The following VPS13C variants were observed in gnomAD, a reference collection of about 807,000 sequenced individuals.
The protein encoded by VPS13C is vacuolar protein sorting 13 homolog C.
In VPS13C, 358 loss-of-function variants were observed where a neutral mutation model predicts 456.8. That is an observed-to-expected ratio of 0.78 (90% CI 0.72 to 0.86). VPS13C has a LOEUF of 0.86. Among genes scored for constraint, VPS13C ranks in the 40% least tolerant of loss-of-function variants. The probability of loss-of-function intolerance (pLI) is 0.00; values close to 1 mark genes in which losing one functional copy is unlikely to be tolerated. For synonymous variants in VPS13C, 1,578 were observed against 1,486.7 expected (o/e 1.06, Z -1.41); for missense variants, 4,818 against 4,385.4 (o/e 1.10, Z -2.79).
At chr15:61,972,808 GA>G in intron 26 of VPS13C, 44 bp from the exon 27 acceptor site, 1 of 1,533,840 alleles carries the variant, frequency 6.5e-7, no homozygotes, top group Non-Finnish European at 8.8e-7. Flanking sequence ...AATGTACATT[GA>G]AAACTGCATG....
intron 49 of VPS13C, 99 bp from the exon 50 acceptor site, chr15:61,931,358 T>C: frequency 1.6e-6 from 2 of 1,233,536 alleles, no homozygotes; most frequent in African/African-American, 1.5e-5. Flanking sequence ...GGCAAACTGA[T>C]CTCATGAATT....
chr15:61,935,204 A>C (rs571741235), intron 48 of VPS13C, among the ~76,000 whole-genome samples: 88 of 152,186 alleles, frequency 5.8e-4, no homozygotes, highest in Non-Finnish European at 1.0e-3. Context: ...TTCAGGAAGT[A>C]AGTCAGTCTT....
In VPS13C at chr15:61,863,494, C is replaced by T. The variant is rs754159820; in HGVS notation, c.10898G>A (p.Arg3633Gln). ...HIKKLEGETY[R>Q]YHCAIPGSKK... ...GCTTCCAGGAATAGCACAGTGGTAT[C>T]GGTAAGTCTCTCCTTCCAACTTTTT... Residue 3633 changes from arginine (R) to glutamine (Q), a missense_variant, in exon 82 of 85, where the codon CGA becomes CAA. Physicochemically the swap from Arg to Gln is conservative, Grantham distance 43. Coordinates refer to ENST00000644861, the MANE Select transcript of VPS13C (RefSeq NM_020821.3). 1.7e-5 allele frequency: 28 copies of T among 1,612,618 alleles called. No homozygotes were observed. The highest frequency in any genetic ancestry group is 2.0e-5 in the Non-Finnish European group (24 of 1,179,160).
At position 61,909,026 on chromosome 15, in the gene VPS13C, G is replaced by A; in HGVS notation, c.8944C>T (p.His2982Tyr). The change falls in exon 65 of 85, where the codon CAT becomes TAT. Residue 2982 changes from histidine (H) to tyrosine (Y), a missense_variant. By Grantham distance (83) the His-to-Tyr change is moderately conservative. Transcript: ENST00000644861. ...TATGTGAGGATGTCCCATGGTGTAT[G>A]GTTCATTATCAAGGCAGGTGCAGAT... ...EGSAPALIMN[H>Y]TPWDILTYKQ... is the part of the protein sequence containing the mutation. 1 of 1,613,764 alleles carries A rather than the reference G, an allele frequency of 6.2e-7. No individual in the cohort carries two copies. The highest frequency in any genetic ancestry group is 1.1e-5 in the South Asian group (1 of 91,058).
intron 13 of VPS13C, among the ~76,000 whole-genome samples, chr15:62,009,362 T>TA (rs574768476): frequency 0.025 from 3,552 of 142,286 alleles, 66 homozygotes; most frequent in African/African-American, 0.041. Flanking sequence ...CAGAGAAGAT[T>TA]AAAAAAAAAA....
intron 73 of VPS13C, 34 bp from the exon 74 acceptor site, chr15:61,878,780 TA>T: frequency 6.4e-7 from 1 of 1,571,022 alleles, no homozygotes; most frequent in Non-Finnish European, 8.6e-7. Context: ...AAATGAAAGC[TA>T]AAAGTGAAAA....
rs138509361 is a variant in VPS13C at position 61,945,442 on chromosome 15, T to C, written c.5148+273A>G. 1.5e-3 allele frequency among the ~76,000 whole-genome samples: 223 copies of C among 152,288 alleles called. 1 individual carries two copies. Among genetic ancestry groups the C allele is most frequent in the African/African-American group, 4.9e-3 (204 of 41,560 alleles). ...ATATATCTCATTAAACAAGTTACAG[T>C]GGAAAGCCCTAAATTAAAACATAAA... On this transcript the variant is annotated intron_variant, in intron 45 of 84. Coordinates refer to ENST00000644861, the MANE Select transcript of VPS13C (RefSeq NM_020821.3).
intron 15 of VPS13C, among the ~76,000 whole-genome samples, chr15:62,002,895 C>T (rs894813516): frequency 2.0e-5 from 3 of 152,134 alleles, no homozygotes; most frequent in African/African-American, 4.8e-5. Context: ...ATTTTGGTAC[C>T]AGTACCATGC....
At chr15:62,003,200 A>C (rs1414251252) in intron 15 of VPS13C, among the ~76,000 whole-genome samples, 1 of 151,332 alleles carries the variant, frequency 6.6e-6, no homozygotes, top group Non-Finnish European at 1.5e-5. Context: ...TTCATTGAGC[A>C]GTGGTTTGTA....
In VPS13C at chr15:61,882,678, C is replaced by T; in HGVS notation, c.9542G>A (p.Arg3181Gln). 11 of 1,598,834 alleles carry T rather than the reference C, an allele frequency of 6.9e-6. No individual in the cohort carries two copies. Among genetic ancestry groups the T allele is most frequent in the East Asian group, 4.5e-5 (2 of 44,258 alleles). Residue 3181 changes from arginine to glutamine, a missense_variant, in exon 69 of 85, where the codon CGA becomes CAA. Physicochemically the swap from Arg to Gln is conservative, Grantham distance 43. Transcript: ENST00000644861. ...MRLPIRSPIK[R>Q]DFLSGIQIEF... ...AATCTGAATTCCTGATAAAAAGTCTCGTTTAATAGGGCTACGAATAGGGAG... is the reference window on the plus strand; with the variant it reads ...AATCTGAATTCCTGATAAAAAGTCTTGTTTAATAGGGCTACGAATAGGGAG...
chr15:61,925,187 C>A (rs1306605181), intron 53 of VPS13C, among the ~76,000 whole-genome samples: 6 of 151,848 alleles, frequency 4.0e-5, no homozygotes, highest in Non-Finnish European at 8.8e-5. Flanking sequence ...TCCAACTCAA[C>A]CCCCACAACA....
chr15:61,993,231 A>C (rs1404022957), intron 16 of VPS13C, among the ~76,000 whole-genome samples: 1 of 152,196 alleles, frequency 6.6e-6, no homozygotes, highest in Non-Finnish European at 1.5e-5. Context: ...ATATTTTATT[A>C]ACATCTCTTT....
chr15:61,880,958 A>T lies in VPS13C; in HGVS notation c.9777-4T>A. On this transcript the variant is annotated splice_polypyrimidine_tract_variant and splice_region_variant and intron_variant, in intron 71 of 84. Transcript: ENST00000644861. ...CTGAATGAGGACCATAAAATACCTAAGAAAAAAAATTTAAAATGGAAAAGG... is the reference window on the plus strand; with the variant it reads ...CTGAATGAGGACCATAAAATACCTATGAAAAAAAATTTAAAATGGAAAAGG... 6.3e-7 allele frequency: 1 copy of T among 1,574,812 alleles called. No homozygotes were observed. Among genetic ancestry groups the T allele is most frequent in the Non-Finnish European group, 8.6e-7 (1 of 1,166,070 alleles).
chr15:61,896,402 C>T (rs1235355827), intron 66 of VPS13C, among the ~76,000 whole-genome samples: 2 of 152,034 alleles, frequency 1.3e-5, no homozygotes, highest in Admixed American at 6.5e-5. Context: ...ACGCATGGTG[C>T]GCGAGCCGAA....
intron 20 of VPS13C, among the ~76,000 whole-genome samples, chr15:61,982,786 T>C (rs2045927061): frequency 1.3e-5 from 2 of 152,228 alleles, no homozygotes; most frequent in East Asian, 3.9e-4. Context: ...AATGTGCACA[T>C]ATCATTAAGG....
Position 62,028,392 on chromosome 15 carries a change from G to C in VPS13C, c.414C>G (p.Gly138=). The C allele has an allele frequency of 6.2e-7, 1 of 1,613,038 alleles. No individual in the cohort carries two copies. The highest frequency in any genetic ancestry group is 8.5e-7 in the Non-Finnish European group (1 of 1,179,300). ...TGTCCTTGTAAACAAAGTTCTCCAAGCCATATATGAACTCCCCTGAATGTG... is the reference window on the plus strand; with the variant it reads ...TGTCCTTGTAAACAAAGTTCTCCAACCCATATATGAACTCCCCTGAATGTG... ...KGTHSGEFIY[G]LENFVYKDIK... is the part of the protein sequence containing the mutation. Residue 138 remains glycine, a synonymous_variant, in exon 6 of 85, where the codon GGC becomes GGG. Coordinates refer to ENST00000644861, the MANE Select transcript of VPS13C (RefSeq NM_020821.3).
chr15:61,927,493 G>GCAAGATTTGCTCAAT (rs2140208813), intron 51 of VPS13C, 173 bp from the exon 52 acceptor site: 3 of 589,826 alleles, frequency 5.1e-6, no homozygotes, highest in South Asian at 2.1e-5. Context: ...ATTAACAAAT[G>GCAAGATTTGCTCAAT]CAGATTGAGC....
chr15:62,031,015 C>A (rs2047798026), intron 5 of VPS13C, among the ~76,000 whole-genome samples: 2 of 152,156 alleles, frequency 1.3e-5, no homozygotes, highest in African/African-American at 4.8e-5. Context: ...GGAATTTAAT[C>A]TTTCTCTTTA....
chr15:62,024,556 C>T (rs985729412), intron 6 of VPS13C, among the ~76,000 whole-genome samples: 4 of 152,168 alleles, frequency 2.6e-5, no homozygotes, highest in Non-Finnish European at 5.9e-5. Flanking sequence ...TCTGTATTAT[C>T]TACTGATCTC....
Sources: allele counts gnomAD v4.1 joint callset (sites outside exome capture counted in the v4.1 genomes callset), GRCh38; gene constraint gnomAD v4.1.1; transcripts MANE v1.5; gene names NCBI Gene and HGNC (gene_info 2026-07-23, HGNC 2026-07-21).